Variants in ROS1 observed in about 807,000 individuals in gnomAD.
The protein encoded by ROS1 is ROS proto-oncogene 1, receptor tyrosine kinase, also known as proto-oncogene tyrosine-protein kinase ROS.
In ROS1, 263 loss-of-function variants were observed where a neutral mutation model predicts 273.5. The ratio of observed to expected loss-of-function variants is 0.96; its 90% CI spans 0.87 to 1.06. The LOEUF is 1.06. Ranked by LOEUF, ROS1 falls within the 50% of genes least tolerant of loss-of-function variation. The pLI, the probability that ROS1 is intolerant of heterozygous loss-of-function variation, is 0.00. For synonymous variants in ROS1, 1,008 were observed against 954.1 expected (o/e 1.06, Z -1.04); for missense variants, 2,833 against 2,751.1 (o/e 1.03, Z -0.67).
chr6:117,290,924 A>C (rs1386147016), intron 43 of ROS1, among the ~76,000 whole-genome samples: 1 of 152,210 alleles, frequency 6.6e-6, no homozygotes, highest in East Asian at 1.9e-4. Context: ...TGCTTTGCTA[A>C]ATATGCCCAC....
chr6:117,400,829 T>C (rs1294457806), intron 7 of ROS1, among the ~76,000 whole-genome samples: 1 of 152,198 alleles, frequency 6.6e-6, no homozygotes, highest in African/African-American at 2.4e-5. Context: ...ATGGCTTGAA[T>C]CACATCTCCG....
At chr6:117,413,904 C>T (rs1425164022) in intron 4 of ROS1, among the ~76,000 whole-genome samples, 1 of 152,110 alleles carries the variant, frequency 6.6e-6, no homozygotes, top group Non-Finnish European at 1.5e-5. Flanking sequence ...TCACTTAAAC[C>T]TGGGAGGCAG....
chr6:117,308,447 C>A (rs775298918), intron 42 of ROS1, among the ~76,000 whole-genome samples: 1 of 151,788 alleles, frequency 6.6e-6, no homozygotes, highest in African/African-American at 2.4e-5. Context: ...ATCATATCTC[C>A]CAAAATAAAA....
chr6:117,372,711 C>T (rs928574139), intron 18 of ROS1, among the ~76,000 whole-genome samples: 4 of 152,154 alleles, frequency 2.6e-5, no homozygotes, highest in African/African-American at 9.7e-5. Context: ...TCACTGGCCT[C>T]AGGAGTGAAG....
At chr6:117,350,212 T>G (rs1254218075) in intron 27 of ROS1, among the ~76,000 whole-genome samples, 1 of 152,120 alleles carries the variant, frequency 6.6e-6, no homozygotes, top group Non-Finnish European at 1.5e-5. Flanking sequence ...TGTCTGAGAA[T>G]GTCTTTATTG....
At chr6:117,383,179 T>C in intron 17 of ROS1, 138 bp downstream of exon 17, 1 of 593,064 alleles carries the variant, frequency 1.7e-6, no homozygotes, top group Non-Finnish European at 2.8e-6. Context: ...ACAGAAAACT[T>C]GGTTAAACCA....
chr6:117,416,655 G>T (rs187727110), intron 2 of ROS1, among the ~76,000 whole-genome samples: 45 of 152,292 alleles, frequency 3.0e-4, no homozygotes, highest in African/African-American at 1.1e-3. Flanking sequence ...CCAGGACAAT[G>T]TGGCATTGGT....
In ROS1 at chr6:117,404,245, G is replaced by C. The variant is rs199570212; in HGVS notation, c.465+35C>G. Reference sequence around the variant, plus strand: ...CAAAAAAAAAAAAAAATTGGGAAGGGGTCTGGGTTGAGGTACAAAGGCAGC... The same window carrying C: ...CAAAAAAAAAAAAAAATTGGGAAGGCGTCTGGGTTGAGGTACAAAGGCAGC... On this transcript the variant is annotated intron_variant, in intron 6 of 43. Coordinates refer to ENST00000368507, the MANE Select transcript of ROS1 (RefSeq NM_001378902.1). The C allele has an allele frequency of 6.9e-6, 11 of 1,599,328 alleles. No individual in the cohort carries two copies. The Admixed American group carries it at 1.7e-4, about 25-fold the overall frequency.
At chr6:117,300,812 A>C (rs1026571337) in intron 43 of ROS1, among the ~76,000 whole-genome samples, 162 bp downstream of exon 43, 7 of 152,224 alleles carry the variant, frequency 4.6e-5, no homozygotes, top group Admixed American at 6.5e-5. Context: ...AATACAAATA[A>C]TTTTCAAAGA....
intron 43 of ROS1, among the ~76,000 whole-genome samples, chr6:117,293,009 C>T (rs1202296255): frequency 6.6e-6 from 1 of 152,080 alleles, no homozygotes; most frequent in East Asian, 1.9e-4. Flanking sequence ...CTATGAATAC[C>T]TCATTCTCTA....
At chr6:117,309,290 A>G (rs1166938882) in intron 41 of ROS1, among the ~76,000 whole-genome samples, 1 of 152,176 alleles carries the variant, frequency 6.6e-6, no homozygotes, top group Non-Finnish European at 1.5e-5. Context: ...ACGTGCACAC[A>G]CATACATGCA....
At position 117,366,389 on chromosome 6, in the gene ROS1, C is replaced by T. The variant is rs555274277; in HGVS notation, c.2583-99G>A. The stretch of plus-strand genomic sequence containing the variant: ...GAATATATGTTTGTGAGTATCTGTA[C>T]GCATTTGTGTACATTAAAATAAAGA... On this transcript the variant is annotated intron_variant, in intron 18 of 43. Transcript: ENST00000368507. 157 of 790,200 alleles carry T rather than the reference C, an allele frequency of 2.0e-4. 1 individual carries two copies. Among genetic ancestry groups the T allele is most frequent in the Admixed American group, 1.1e-3 (57 of 50,488 alleles). The allele number at this position is 790,200 out of a possible 1,614,324, so 48.9% of individuals were successfully genotyped here.
chr6:117,374,733 G>T (rs935175455), intron 18 of ROS1, among the ~76,000 whole-genome samples: 1 of 152,156 alleles, frequency 6.6e-6, no homozygotes. Flanking sequence ...TTTGACAAAG[G>T]ACTAATATCC....
chr6:117,387,676 C>A, intron 14 of ROS1, 104 bp downstream of exon 14: 1 of 1,164,818 alleles, frequency 8.6e-7, no homozygotes, highest in African/African-American at 1.5e-5. Flanking sequence ...GGTCAATACA[C>A]CCTCATTCTC....
In ROS1 at chr6:117,316,552, G is replaced by C. The variant is rs564176361; in HGVS notation, c.6117+591C>G. ...GTATTTCCAGGGTTCATAATGTGCTGTGCACTGCTCCAGGCACTGGGGATA... is the reference window on the plus strand; with the variant it reads ...GTATTTCCAGGGTTCATAATGTGCTCTGCACTGCTCCAGGCACTGGGGATA... On this transcript the variant is annotated intron_variant, in intron 39 of 43. Transcript: ENST00000368507. 2.4e-4 allele frequency among the ~76,000 whole-genome samples: 36 copies of C among 152,114 alleles called. 1 individual carries two copies. The South Asian group carries it at 7.3e-3, about 31-fold the overall frequency.
chr6:117,409,240 G>C (rs13212382), intron 5 of ROS1, among the ~76,000 whole-genome samples: 8,998 of 112,728 alleles, frequency 0.08, 321 homozygotes, highest in Middle Eastern at 0.11. Flanking sequence ...ATAAAAAAGA[G>C]AGAAAAAAAA....
Position 117,326,289 on chromosome 6 carries a change from A to C in ROS1, c.5474T>G (p.Val1825Gly). 6.2e-7 allele frequency: 1 copy of C among 1,601,656 alleles called. No homozygotes were observed. Among genetic ancestry groups the C allele is most frequent in the South Asian group, 1.1e-5 (1 of 88,790 alleles). Residue 1825 changes from valine (V) to glycine (G), a missense_variant, in exon 34 of 44, where the codon GTA (valine) becomes GGA (glycine). Transcript: ENST00000368507. Reference protein sequence around the residue: ...NLKGIFQFRVVAANNLGFGEY... With the variant: ...NLKGIFQFRVGAANNLGFGEY... ...ACCAAACCCTAGATTATTTGCAGCTACTACTCTGAACTGAAATATTCCTTT... is the reference window on the plus strand; with the variant it reads ...ACCAAACCCTAGATTATTTGCAGCTCCTACTCTGAACTGAAATATTCCTTT...
At chr6:117,421,193 T>C (rs1775726028) in intron 1 of ROS1, among the ~76,000 whole-genome samples, 1 of 148,330 alleles carries the variant, frequency 6.7e-6, no homozygotes, top group African/African-American at 2.4e-5. Flanking sequence ...TTGGAATATA[T>C]GAATTGGAAT....
chr6:117,372,745 T>C (rs1393503567), intron 18 of ROS1, among the ~76,000 whole-genome samples: 1 of 152,204 alleles, frequency 6.6e-6, no homozygotes, highest in Non-Finnish European at 1.5e-5. Flanking sequence ...GGGTAAGTGT[T>C]ACAGCTCATA....
Sources: allele counts gnomAD v4.1 joint callset (sites outside exome capture counted in the v4.1 genomes callset), GRCh38; gene constraint gnomAD v4.1.1; transcripts MANE v1.5; gene names NCBI Gene and HGNC (gene_info 2026-07-23, HGNC 2026-07-21).